Variants in DAPK1 observed in about 807,000 individuals in gnomAD.
DAPK1 encodes death associated protein kinase 1.
In DAPK1, 56 loss-of-function variants were observed where a neutral mutation model predicts 144.9. The ratio of observed to expected loss-of-function variants is 0.39; its 90% confidence interval spans 0.31 to 0.48. The LOEUF (loss-of-function observed/expected upper bound fraction) is 0.48. DAPK1 is among the 20% of genes least tolerant of loss of function. The pLI, the probability that DAPK1 is intolerant of heterozygous loss-of-function variation, is 0.95. For synonymous variants in DAPK1, 690 were observed against 749.0 expected (o/e 0.92, Z 1.29); for missense variants, 1,454 against 1,875.4 (o/e 0.78, Z 4.15).
intron 3 of DAPK1, among the ~76,000 whole-genome samples, chr9:87,637,734 A>G (rs1448583675): frequency 2.0e-5 from 3 of 152,202 alleles, no homozygotes; most frequent in African/African-American, 7.2e-5. Flanking sequence ...CCTTAGGAAA[A>G]TGGTTCCCAA....
chr9:87,560,271 CAGGTGTG>C (rs1289574606), intron 2 of DAPK1, among the ~76,000 whole-genome samples: 1 of 152,076 alleles, frequency 6.6e-6, no homozygotes, highest in Admixed American at 6.6e-5. Context: ...ACTGAGATTA[CAGGTGTG>C]AGTCACCATG....
chr9:87,559,915 A>G (rs1056039602), intron 2 of DAPK1, among the ~76,000 whole-genome samples: 1 of 150,684 alleles, frequency 6.6e-6, no homozygotes, highest in African/African-American at 2.4e-5. Context: ...CTCTGCCTCC[A>G]TCCGCTTCTT....
intron 3 of DAPK1, among the ~76,000 whole-genome samples, chr9:87,637,476 T>C (rs573841340): frequency 6.6e-6 from 1 of 152,296 alleles, no homozygotes; most frequent in South Asian, 2.1e-4. Context: ...TATCAGACCA[T>C]ATATTGTGAA....
intron 20 of DAPK1, among the ~76,000 whole-genome samples, chr9:87,683,768 C>T (rs1764752530): frequency 6.6e-6 from 1 of 152,188 alleles, no homozygotes; most frequent in South Asian, 2.1e-4. Context: ...GCATCTTTAG[C>T]CAGGGATCGG....
rs1234077570 is a variant in DAPK1 at position 87,707,134 on chromosome 9, C to T, written c.4063C>T (p.Pro1355Ser). 6.2e-7 allele frequency: 1 copy of T among 1,613,916 alleles called. No homozygotes were observed. Residue 1355 changes from proline to serine, a missense_variant, in exon 26 of 26, where the codon CCC becomes TCC. By Grantham distance (74) the Pro-to-Ser change is moderately conservative. Coordinates refer to ENST00000408954, the MANE Select transcript of DAPK1 (RefSeq NM_004938.4). This position sits in a 1 kb window ranked among gnomAD's most constrained non-coding sequence, Gnocchi z 4.0. ...TAACGGGGCTCCCAAGGATTTCCTC[C>T]CCAGCCCCCTCCACGCCCTGCTGCG... Reference protein sequence around the residue: ...TSNGAPKDFLPSPLHALLREW... With the variant: ...TSNGAPKDFLSSPLHALLREW...
intron 2 of DAPK1, among the ~76,000 whole-genome samples, chr9:87,553,251 G>T (rs961414044): frequency 1.3e-5 from 2 of 150,456 alleles, no homozygotes; most frequent in African/African-American, 2.5e-5. Context: ...TGTGGGGGGG[G>T]TTGGGTGATT....
chr9:87,708,524 A>G lies in DAPK1; in HGVS notation c.*1160A>G, dbSNP rs1166111086. On this transcript the variant is annotated 3_prime_UTR_variant, in exon 26 of 26. Transcript: ENST00000408954. ...TCATATGTATATATATATATGCACTATGTATATACATATATATTAATACTG... is the reference window on the plus strand; with the variant it reads ...TCATATGTATATATATATATGCACTGTGTATATACATATATATTAATACTG... 1 of 152,612 alleles carries G rather than the reference A, an allele frequency of 6.6e-6. No homozygotes were observed. Among genetic ancestry groups the G allele is most frequent in the East Asian group, 1.9e-4 (1 of 5,202 alleles). 9.5% of individuals were successfully genotyped at this position (152,612 alleles called of 1,614,324 possible).
intron 19 of DAPK1, among the ~76,000 whole-genome samples, chr9:87,673,870 C>T (rs1387506562): frequency 6.6e-6 from 1 of 152,034 alleles, no homozygotes; most frequent in East Asian, 1.9e-4. Context: ...CCTGAGAGCC[C>T]GCGCTTGGCT....
At chr9:87,647,625 C>T (rs914716217) in intron 14 of DAPK1, among the ~76,000 whole-genome samples, 6 of 152,174 alleles carry the variant, frequency 3.9e-5, no homozygotes, top group East Asian at 1.9e-4. Flanking sequence ...ATAATACGCA[C>T]GCATTGAATT....
chr9:87,676,779 C>T (rs192407283), intron 19 of DAPK1, among the ~76,000 whole-genome samples: 93 of 152,276 alleles, frequency 6.1e-4, no homozygotes, highest in African/African-American at 1.9e-3. Context: ...AAGTGCCTTC[C>T]GAGTGGGATG....
chr9:87,631,796 A>G (rs1483936150), intron 3 of DAPK1, among the ~76,000 whole-genome samples: 1 of 152,236 alleles, frequency 6.6e-6, no homozygotes, highest in Non-Finnish European at 1.5e-5. Flanking sequence ...GTCATTTTCT[A>G]CCTTCAGAGA....
Position 87,707,930 on chromosome 9 carries a change from G to A in DAPK1, c.*566G>A, listed in dbSNP as rs928097934. The A allele has an allele frequency of 4.4e-6, 2 of 454,520 alleles. No homozygotes were observed. Among genetic ancestry groups the A allele is most frequent in the African/African-American group, 2.0e-5 (1 of 49,964 alleles). 28.2% of individuals were successfully genotyped at this position (454,520 alleles called of 1,614,324 possible). Reference sequence around the variant, plus strand: ...GAAGAGGGTGTGTTTGAAATCATCGGAGTCAGCCAGGAGCTGTCACCAAGG... The same window carrying A: ...GAAGAGGGTGTGTTTGAAATCATCGAAGTCAGCCAGGAGCTGTCACCAAGG... On this transcript the variant is annotated 3_prime_UTR_variant, in exon 26 of 26. Transcript: ENST00000408954. The surrounding 1 kb of genome is among the most constrained non-coding windows in gnomAD (Gnocchi z 4.0).
chr9:87,688,770 T>TTAA (rs1466956754), intron 21 of DAPK1, among the ~76,000 whole-genome samples: 1 of 152,224 alleles, frequency 6.6e-6, no homozygotes, highest in Admixed American at 6.5e-5. Flanking sequence ...TGCCCACTTT[T>TTAA]TAATGGGGTT....
chr9:87,590,722 G>C (rs1166689368), intron 2 of DAPK1, among the ~76,000 whole-genome samples: 1 of 152,118 alleles, frequency 6.6e-6, no homozygotes, highest in Non-Finnish European at 1.5e-5. Flanking sequence ...TAAGTAGCTA[G>C]GAATACAGGC....
intron 21 of DAPK1, among the ~76,000 whole-genome samples, chr9:87,695,072 A>G (rs1250509474): frequency 1.3e-5 from 2 of 152,060 alleles, no homozygotes; most frequent in Non-Finnish European, 2.9e-5. Flanking sequence ...CCCAGAGCAG[A>G]GCTGGCTGTG....
chr9:87,549,746 A>C (rs1240854460), intron 2 of DAPK1, among the ~76,000 whole-genome samples: 1 of 152,202 alleles, frequency 6.6e-6, no homozygotes, highest in Non-Finnish European at 1.5e-5. Context: ...GTAGCAGAGC[A>C]CCAAAAGAAA....
rs1277317327 is a variant in DAPK1, at chr9:87,686,396, C to T, written c.2225-155C>T. The stretch of plus-strand genomic sequence containing the variant: ...CAGCCTTGCTGGGAACACTGCTGCC[C>T]TGCACGTGTGAGGGCAGACACACTC... On this transcript the variant is annotated intron_variant, in intron 20 of 25. Transcript: ENST00000408954. This position sits in a 1 kb window ranked among gnomAD's most constrained non-coding sequence, Gnocchi z 4.2. 6.6e-6 allele frequency among the ~76,000 whole-genome samples: 1 copy of T among 152,146 alleles called. No individual in the cohort carries two copies. Among genetic ancestry groups the T allele is most frequent in the African/African-American group, 2.4e-5 (1 of 41,442 alleles).
At chr9:87,657,376 T>G (rs1433572147) in intron 17 of DAPK1, 4 of 153,346 alleles carry the variant, frequency 2.6e-5, no homozygotes, top group Non-Finnish European at 5.8e-5. Flanking sequence ...CCACAGTGAT[T>G]TCCTCAAGAC....
At chr9:87,577,648 G>A (rs1351932365) in intron 2 of DAPK1, among the ~76,000 whole-genome samples, 1 of 151,992 alleles carries the variant, frequency 6.6e-6, no homozygotes, top group African/African-American at 2.4e-5. Context: ...AAATACAAAA[G>A]TTAACTGGGC....
Sources: allele counts gnomAD v4.1 joint callset (sites outside exome capture counted in the v4.1 genomes callset), GRCh38; gene constraint gnomAD v4.1.1; non-coding constraint Gnocchi (gnomAD v3.1); transcripts MANE v1.5; gene names NCBI Gene and HGNC (gene_info 2026-07-23, HGNC 2026-07-21).